The following SCN11A variants were observed in gnomAD, a reference collection of about 807,000 sequenced individuals.
SCN11A encodes sodium channel protein type 11 subunit alpha.
Under a neutral mutation model 162.2 loss-of-function variants are expected in SCN11A, and 122 were observed. The ratio of observed to expected loss-of-function variants is 0.75; its 90% confidence interval spans 0.65 to 0.87. The LOEUF (loss-of-function observed/expected upper bound fraction) is 0.87. SCN11A is among the 40% of genes least tolerant of loss of function. The probability of loss-of-function intolerance (pLI) is 0.00; values close to 1 mark genes in which losing one functional copy is unlikely to be tolerated. For missense variants in SCN11A, 2,015 were observed against 2,181.6 expected (o/e 0.92, Z 1.52); for synonymous variants, 758 against 751.5 (o/e 1.01, Z -0.14).
chr3:38,970,996 AG>A (rs2066813001), intron 2 of SCN11A, among the ~76,000 whole-genome samples: 1 of 152,122 alleles, frequency 6.6e-6, no homozygotes, highest in African/African-American at 2.4e-5. Flanking sequence ...GCCCCAGTGG[AG>A]GGTCCAGGGT....
chr3:38,960,876 T>C (rs1332949751), intron 2 of SCN11A, among the ~76,000 whole-genome samples: 1 of 152,182 alleles, frequency 6.6e-6, no homozygotes, highest in Non-Finnish European at 1.5e-5. Context: ...CATGCATGCT[T>C]ATGTGGTGGC....
intron 2 of SCN11A, among the ~76,000 whole-genome samples, chr3:38,961,953 T>C (rs540430636): frequency 1.1e-4 from 17 of 152,366 alleles, no homozygotes; most frequent in African/African-American, 3.4e-4. Context: ...AGCCAATGTC[T>C]AGAAGGGATT....
chr3:39,026,417 C>T (rs1263652979), intron 2 of SCN11A, among the ~76,000 whole-genome samples: 3 of 152,192 alleles, frequency 2.0e-5, no homozygotes, highest in African/African-American at 2.4e-5. Flanking sequence ...CTCGCCGGGT[C>T]GTGGGAGTTC....
At chr3:39,012,771 G>A (rs544677226) in intron 2 of SCN11A, among the ~76,000 whole-genome samples, 3 of 152,060 alleles carry the variant, frequency 2.0e-5, no homozygotes, top group African/African-American at 4.8e-5. Flanking sequence ...CACTGTGCTC[G>A]GCCTGGATCA....
At chr3:38,976,666 T>C (rs2066851636) in intron 2 of SCN11A, among the ~76,000 whole-genome samples, 2 of 152,184 alleles carry the variant, frequency 1.3e-5, no homozygotes, top group Non-Finnish European at 2.9e-5. Flanking sequence ...AAACCTGTAT[T>C]GCACACTTGA....
At chr3:38,883,211 C>A in intron 22 of SCN11A, 22 bp downstream of exon 22, 3 of 1,604,258 alleles carry the variant, frequency 1.9e-6, no homozygotes, top group Non-Finnish European at 2.6e-6. Context: ...CCCAATGTCT[C>A]CACAAGACAA....
At chr3:38,848,586 T>G (rs1342251570) in intron 29 of SCN11A, among the ~76,000 whole-genome samples, 2 of 152,200 alleles carry the variant, frequency 1.3e-5, no homozygotes, top group East Asian at 3.9e-4. Context: ...ATACTTTAAT[T>G]GGAAAGTCAA....
chr3:38,926,290 G>T (rs1013823820), intron 8 of SCN11A, among the ~76,000 whole-genome samples: 11 of 152,098 alleles, frequency 7.2e-5, no homozygotes, highest in Admixed American at 2.6e-4. Context: ...AGAACTTCTA[G>T]AAGTAAACAG....
chr3:39,012,116 G>A (rs900359634), intron 2 of SCN11A, among the ~76,000 whole-genome samples: 16 of 151,976 alleles, frequency 1.1e-4, no homozygotes, highest in South Asian at 2.1e-4. Context: ...ACCTGAGGTC[G>A]GAAGTTCGAG....
intron 2 of SCN11A, among the ~76,000 whole-genome samples, chr3:38,969,593 A>G (rs1440089412): frequency 6.6e-6 from 1 of 152,202 alleles, no homozygotes; most frequent in Non-Finnish European, 1.5e-5. Flanking sequence ...TGTTCTTTGA[A>G]GAGTCAAGGG....
At chr3:39,041,038 C>T (rs57097114) in intron 1 of SCN11A, among the ~76,000 whole-genome samples, 10,597 of 152,120 alleles carry the variant, frequency 0.07, 1,181 homozygotes, top group African/African-American at 0.23. Flanking sequence ...GCTGAGATAG[C>T]GCCACTGCAC....
At chr3:38,899,105 T>A (rs1232862680) in intron 17 of SCN11A, among the ~76,000 whole-genome samples, 1 of 151,692 alleles carries the variant, frequency 6.6e-6, no homozygotes, top group Admixed American at 6.6e-5. Flanking sequence ...AAAAATCCTA[T>A]CTGAAAAAAA....
At chr3:38,877,125 GTGTATATACTATATATATGGTA>G (rs2065227411) in intron 23 of SCN11A, among the ~76,000 whole-genome samples, 1 of 110,194 alleles carries the variant, frequency 9.1e-6, no homozygotes, top group Admixed American at 9.5e-5. Flanking sequence ...TATATATATG[GTGTATATACTATATATATGGTA>G]TATATATGGT....
chr3:38,995,811 A>ATCTACCTG (rs1553648584), intron 2 of SCN11A, among the ~76,000 whole-genome samples: 1 of 142,862 alleles, frequency 7.0e-6, no homozygotes, highest in Non-Finnish European at 1.5e-5. Context: ...CTATCTATCT[A>ATCTACCTG]TCTATCTGTC....
chr3:39,024,631 T>C (rs1022177494), intron 2 of SCN11A, among the ~76,000 whole-genome samples: 7 of 152,188 alleles, frequency 4.6e-5, no homozygotes, highest in African/African-American at 9.7e-5. Flanking sequence ...ACTTTTCCTC[T>C]ACCTTTCTGT....
chr3:38,970,656 C>T (rs2066811141), intron 2 of SCN11A, among the ~76,000 whole-genome samples: 1 of 152,230 alleles, frequency 6.6e-6, no homozygotes, highest in Non-Finnish European at 1.5e-5. Flanking sequence ...TTAGCTCACT[C>T]TCCTGGATCA....
chr3:38,846,699 C>A lies in SCN11A; in HGVS notation c.5371G>T (p.Asp1791Tyr). ...GTAGGCGTGGAGGTGAGGGCTCAGT[C>A]ACAGTGGACCTTGCCCTTGGCCACC... ...FGVAKGKVHC[D>Y] The change falls in exon 30 of 30, where the codon GAC becomes TAC. Residue 1791 changes from aspartate to tyrosine, a missense_variant. Asp to Tyr is a radical substitution (Grantham distance 160, BLOSUM62 -3). Coordinates refer to ENST00000302328, the MANE Select transcript of SCN11A (RefSeq NM_001349253.2). 1 of 1,613,608 alleles carries A rather than the reference C, an allele frequency of 6.2e-7. No individual in the cohort carries two copies. Among genetic ancestry groups the A allele is most frequent in the East Asian group, 2.2e-5 (1 of 44,862 alleles).
At chr3:38,912,517 G>T (rs1341151607) in intron 11 of SCN11A, among the ~76,000 whole-genome samples, 13 of 151,958 alleles carry the variant, frequency 8.6e-5, no homozygotes. Flanking sequence ...ACATGTGCAG[G>T]TTTGTTATAT....
chr3:39,023,048 A>G (rs116694496), intron 2 of SCN11A, among the ~76,000 whole-genome samples: 2,131 of 152,322 alleles, frequency 0.014, 18 homozygotes, highest in Non-Finnish European at 0.018. Flanking sequence ...TTAAAAAGTG[A>G]TAAGGGTATT....
Sources: allele counts gnomAD v4.1 joint callset (sites outside exome capture counted in the v4.1 genomes callset), GRCh38; gene constraint gnomAD v4.1.1; transcripts MANE v1.5; gene names NCBI Gene and HGNC (gene_info 2026-07-23, HGNC 2026-07-21).